Variants in DTNB observed in about 807,000 individuals in gnomAD.
DTNB encodes the protein dystrobrevin beta.
In DTNB, 63 loss-of-function variants were observed where a neutral mutation model predicts 90.7. The observed-to-expected ratio is 0.69, with a 90% CI of 0.57 to 0.86. The LOEUF is 0.86. Among genes scored for constraint, DTNB ranks in the 40% least tolerant of loss-of-function variants. DTNB has a pLI of 0.00. For missense variants in DTNB, 744 were observed against 807.1 expected (o/e 0.92, Z 0.95); for synonymous variants, 277 against 286.7 (o/e 0.97, Z 0.34).
chr2:25,580,955 T>C (rs2061476680), intron 6 of DTNB, 129 bp from the exon 7 acceptor site: 1 of 693,336 alleles, frequency 1.4e-6, no homozygotes, highest in African/African-American at 1.8e-5. Context: ...AAATAAAATA[T>C]TTTACATTAC....
At chr2:25,459,212 T>C (rs2060540201) in intron 10 of DTNB, among the ~76,000 whole-genome samples, 1 of 152,170 alleles carries the variant, frequency 6.6e-6, no homozygotes, top group African/African-American at 2.4e-5. Flanking sequence ...CTTTGAAAAG[T>C]TGGGAAAAAA....
chr2:25,597,777 T>C (rs926002878), intron 5 of DTNB, among the ~76,000 whole-genome samples: 2 of 152,196 alleles, frequency 1.3e-5, no homozygotes, highest in Admixed American at 6.5e-5. Context: ...GTGCAAGCGC[T>C]CTGTTAGGTG....
intron 19 of DTNB, among the ~76,000 whole-genome samples, chr2:25,382,160 C>G (rs535228017): frequency 6.6e-6 from 1 of 152,356 alleles, no homozygotes; most frequent in East Asian, 1.9e-4. Context: ...GCTGCTGGCT[C>G]CTCCTCATGC....
intron 8 of DTNB, among the ~76,000 whole-genome samples, chr2:25,576,193 G>T (rs956903278): frequency 1.3e-5 from 2 of 151,586 alleles, no homozygotes; most frequent in South Asian, 4.2e-4. Context: ...AATAAGCATG[G>T]GGGGGCGGAA....
At chr2:25,522,623 A>C (rs929652047) in intron 9 of DTNB, among the ~76,000 whole-genome samples, 6 of 152,130 alleles carry the variant, frequency 3.9e-5, no homozygotes, top group Non-Finnish European at 5.9e-5. Flanking sequence ...GCACTTTCTC[A>C]TACATTATCT....
intron 9 of DTNB, among the ~76,000 whole-genome samples, chr2:25,497,140 T>C (rs1188135603): frequency 1.3e-5 from 2 of 152,082 alleles, no homozygotes; most frequent in African/African-American, 2.4e-5. Context: ...ACAGAGCATT[T>C]TGGGAAAGAG....
chr2:25,462,130 C>G (rs2061046725), intron 10 of DTNB, among the ~76,000 whole-genome samples: 1 of 152,170 alleles, frequency 6.6e-6, no homozygotes. Flanking sequence ...GGGAACGCAG[C>G]CTGGGAATCT....
chr2:25,606,979 T>C (rs892886034), intron 5 of DTNB, among the ~76,000 whole-genome samples: 1 of 152,190 alleles, frequency 6.6e-6, no homozygotes, highest in African/African-American at 2.4e-5. Flanking sequence ...CTAAAATAAG[T>C]TTTTAAATGT....
At chr2:25,419,609 C>A in intron 15 of DTNB, 74 bp from the exon 16 acceptor site, 1 of 1,527,534 alleles carries the variant, frequency 6.5e-7, no homozygotes, top group South Asian at 1.2e-5. Flanking sequence ...TGCCCATCAC[C>A]ACAAACATTG....
chr2:25,598,608 A>G (rs2065145457), intron 5 of DTNB, among the ~76,000 whole-genome samples: 1 of 152,208 alleles, frequency 6.6e-6, no homozygotes, highest in African/African-American at 2.4e-5. Context: ...CTCCTTCAAA[A>G]TATAATTTAG....
intron 16 of DTNB, among the ~76,000 whole-genome samples, chr2:25,417,225 G>A (rs1350248596): frequency 3.3e-5 from 5 of 152,170 alleles, no homozygotes; most frequent in African/African-American, 1.2e-4. Flanking sequence ...TGGCCATGGA[G>A]AACTCCCAAG....
rs569446699 is a variant in DTNB, at chr2:25,525,191, T to C, written c.1001+6282A>G. Among the ~76,000 whole-genome samples, 79 of 152,336 alleles carry C rather than the reference T, an allele frequency of 5.2e-4. 1 individual carries two copies. The highest frequency in any genetic ancestry group is 1.8e-3 in the African/African-American group (76 of 41,582). Reference sequence around the variant, plus strand: ...ACAGTTTTAACATATCTGATTTTTATAGATGTATAAATATCTAATAAAAGT... The same window carrying C: ...ACAGTTTTAACATATCTGATTTTTACAGATGTATAAATATCTAATAAAAGT... On this transcript the variant is annotated intron_variant, in intron 9 of 20. Transcript: ENST00000406818.
intron 6 of DTNB, among the ~76,000 whole-genome samples, chr2:25,595,851 A>C (rs2064488212): frequency 6.6e-6 from 1 of 152,070 alleles, no homozygotes; most frequent in South Asian, 2.1e-4. Flanking sequence ...TTTTTCTTTA[A>C]AATATTTCAT....
At chr2:25,644,876 G>A (rs2079100210) in intron 2 of DTNB, among the ~76,000 whole-genome samples, 1 of 152,116 alleles carries the variant, frequency 6.6e-6, no homozygotes, top group Non-Finnish European at 1.5e-5. Flanking sequence ...GGGGGACAGA[G>A]ATGAGGCCAG....
At chr2:25,380,972 C>T (rs1260043551) in intron 19 of DTNB, among the ~76,000 whole-genome samples, 1 of 152,242 alleles carries the variant, frequency 6.6e-6, no homozygotes, top group African/African-American at 2.4e-5. Context: ...CACACTCAGA[C>T]TCGAACCAGG....
chr2:25,602,683 G>T (rs2066153251), intron 5 of DTNB, among the ~76,000 whole-genome samples: 1 of 151,968 alleles, frequency 6.6e-6, no homozygotes, highest in Non-Finnish European at 1.5e-5. Flanking sequence ...CTGATAGTGT[G>T]GTCTATCAAA....
chr2:25,606,145 C>G (rs151335766), intron 5 of DTNB, among the ~76,000 whole-genome samples: 102 of 151,798 alleles, frequency 6.7e-4, no homozygotes, highest in Middle Eastern at 3.4e-3. Flanking sequence ...TGCCGAAAAA[C>G]TTGTATTAAT....
At chr2:25,490,607 A>G (rs1452605630) in intron 9 of DTNB, among the ~76,000 whole-genome samples, 1 of 152,184 alleles carries the variant, frequency 6.6e-6, no homozygotes, top group Non-Finnish European at 1.5e-5. Flanking sequence ...AATTATCCTA[A>G]GTGTTCAAAT....
chr2:25,622,234 A>G (rs1475850780), intron 4 of DTNB, among the ~76,000 whole-genome samples: 1 of 152,224 alleles, frequency 6.6e-6, no homozygotes, highest in Non-Finnish European at 1.5e-5. Context: ...ATTCAATCCC[A>G]GCACTTTGGG....
Sources: allele counts gnomAD v4.1 joint callset (sites outside exome capture counted in the v4.1 genomes callset), GRCh38; gene constraint gnomAD v4.1.1; transcripts MANE v1.5; gene names NCBI Gene and HGNC (gene_info 2026-07-23, HGNC 2026-07-21).